Variants in HDAC7 observed in about 807,000 individuals in gnomAD.
The protein encoded by HDAC7 is histone deacetylase 7, also known as histone deacetylase 7A.
HDAC7 carries 26 observed loss-of-function variants against 115.5 expected under a neutral mutation model. That is an observed-to-expected ratio of 0.23 (90% confidence interval 0.16 to 0.31). HDAC7 has a LOEUF of 0.31. Among genes scored for constraint, HDAC7 ranks in the 10% least tolerant of loss-of-function variants. The pLI, the probability that HDAC7 is intolerant of heterozygous loss-of-function variation, is 1.00. For synonymous variants in HDAC7, 564 were observed against 550.9 expected, an observed-to-expected ratio of 1.02 and a Z score of -0.33; for missense variants, 1,068 against 1,329.0, an observed-to-expected ratio of 0.80 and a Z score of 3.05.
Position 47,795,169 on chromosome 12 carries a change from C to T in HDAC7, c.1284+15G>A. ...AAACACTCCCTCAATACCTCCACTG[C>T]CCAATTCCTCTCACCTTGATCACCT... On this transcript the variant is annotated intron_variant, in intron 11 of 25. Transcript: ENST00000080059. The surrounding 1 kb of genome is among the most constrained non-coding windows in gnomAD (Gnocchi z 4.3). The T allele has an allele frequency of 6.2e-7, 1 of 1,604,628 alleles. No individual in the cohort carries two copies.
At chr12:47,789,467 A>C in intron 18 of HDAC7, 56 bp downstream of exon 18, 3 of 1,597,426 alleles carry the variant, frequency 1.9e-6, no homozygotes, top group Non-Finnish European at 2.6e-6. Flanking sequence ...CCCTGAAGGA[A>C]GTTCCTGGGG....
intron 2 of HDAC7, among the ~76,000 whole-genome samples, chr12:47,801,813 T>A (rs1592675933): frequency 6.6e-6 from 1 of 152,164 alleles, no homozygotes; most frequent in East Asian, 1.9e-4. Context: ...ACACTTCCCC[T>A]CCAGCAGAGC....
At chr12:47,790,102 A>G in intron 16 of HDAC7, 182 bp from the exon 17 acceptor site, 1 of 598,550 alleles carries the variant, frequency 1.7e-6, no homozygotes, top group Non-Finnish European at 3.0e-6. Flanking sequence ...TCCCAGCATG[A>G]CTTTTTCCCA....
At chr12:47,800,636 A>G (rs1944117135) in intron 2 of HDAC7, among the ~76,000 whole-genome samples, 2 of 152,198 alleles carry the variant, frequency 1.3e-5, no homozygotes, top group African/African-American at 2.4e-5. Flanking sequence ...CTCCTGCCCC[A>G]GGAAAGGTTT....
chr12:47,790,293 G>A, intron 16 of HDAC7: 1 of 244,620 alleles, frequency 4.1e-6, no homozygotes, highest in South Asian at 5.3e-5. Flanking sequence ...GGAGCTGGAG[G>A]GGCCGTCTGC....
Position 47,798,681 on chromosome 12 carries a change from G to A in HDAC7, c.259-29C>T, listed in dbSNP as rs1944006665. 6.2e-7 allele frequency: 1 copy of A among 1,600,316 alleles called. No individual in the cohort carries two copies. Among genetic ancestry groups the A allele is most frequent in the Non-Finnish European group, 8.5e-7 (1 of 1,173,048 alleles). Reference sequence around the variant, plus strand: ...TGGGCAGGGCCGGCAGCCCAGAAAGGGACAAGGAGTTGAGGACTGAGACTG... The same window carrying A: ...TGGGCAGGGCCGGCAGCCCAGAAAGAGACAAGGAGTTGAGGACTGAGACTG... On this transcript the variant is annotated intron_variant, in intron 3 of 25. Transcript: ENST00000080059. This position sits in a 1 kb window ranked among gnomAD's most constrained non-coding sequence, Gnocchi z 4.3.
Position 47,798,899 on chromosome 12 carries a change from G to A in HDAC7, c.144C>T (p.Pro48=). ...TGGGCTCTGGTGGGGGCTCCACTGG[G>A]GGCCGCTGGCCCACCCGCAGGTCCA... ...QPMDLRVGQR[P]PVEPPPEPTL... The change falls in exon 3 of 26, where the codon CCC becomes CCT. Residue 48 remains proline, a synonymous_variant. Transcript: ENST00000080059. This position sits in a 1 kb window ranked among gnomAD's most constrained non-coding sequence, Gnocchi z 4.3. The A allele has an allele frequency of 7.8e-6, 12 of 1,537,022 alleles. No individual in the cohort carries two copies. The highest frequency in any genetic ancestry group is 9.6e-6 in the Non-Finnish European group (11 of 1,145,890).
At chr12:47,787,837 G>A (rs1387218741) in intron 20 of HDAC7, 28 bp from the exon 21 acceptor site, 5 of 1,590,650 alleles carry the variant, frequency 3.1e-6, no homozygotes, top group South Asian at 1.1e-5. Flanking sequence ...AGAGAGACAT[G>A]AGGACAGCAG....
In HDAC7 at chr12:47,793,650, C is replaced by A; in HGVS notation, c.1459-62G>T. The A allele has an allele frequency of 7.5e-7, 1 of 1,340,702 alleles. No individual in the cohort carries two copies. The highest frequency in any genetic ancestry group is 1.0e-6 in the Non-Finnish European group (1 of 994,664). The allele number at this position is 1,340,702 out of a possible 1,614,324, so 83.1% of individuals were successfully genotyped here. On this transcript the variant is annotated intron_variant, in intron 12 of 25. Transcript: ENST00000080059. The surrounding 1 kb of genome is among the most constrained non-coding windows in gnomAD (Gnocchi z 4.5). ...AGGGTCCTGCTCCCTCTACTTCTGC[C>A]TGAGGTCTTGGGAACTGCCAAGCAG...
At chr12:47,808,412 G>GGA (rs1343182340) in intron 1 of HDAC7, among the ~76,000 whole-genome samples, 1 of 152,104 alleles carries the variant, frequency 6.6e-6, no homozygotes, top group Non-Finnish European at 1.5e-5. Context: ...CCCTGGGGGT[G>GGA]GGAAAGCATC....
chr12:47,787,665 G>T, intron 21 of HDAC7, 47 bp downstream of exon 21: 1 of 1,371,968 alleles, frequency 7.3e-7, no homozygotes, highest in South Asian at 1.2e-5. Context: ...TTGGGAGAAG[G>T]GACAGGAGAG....
rs775699231 is a variant in HDAC7 at position 47,791,880 on chromosome 12, G to A, written c.1803C>T (p.Ser601=). 6.3e-6 allele frequency: 10 copies of A among 1,599,384 alleles called. No individual in the cohort carries two copies. In the African/African-American group the frequency reaches 1.4e-4, roughly 22 times the overall value. The part of the protein sequence containing the change: ...WSRLQERGLR[S]QCECLRGRKA... ...ACCCGCGCCTCCTCACCTCACACTG[G>A]CTCCGGAGCCCCCGCTCCTGCAGCC... is the stretch of plus-strand genomic sequence containing the variant. The change falls in exon 14 of 26, where the codon AGC becomes AGT. Residue 601 remains serine (S), a synonymous_variant. Transcript: ENST00000080059.
In HDAC7 at chr12:47,792,005, C is replaced by A; in HGVS notation, c.1679-1G>T. ...AGCATGACCGAGTCATAGATCAGCC[C>A]TGCAGGAGCAAGGGTCAGAGCGGGG... is the stretch of plus-strand genomic sequence containing the variant. On this transcript the variant is annotated splice_acceptor_variant, in intron 13 of 25. Transcript: ENST00000080059. LOFTEE classifies it high-confidence loss of function. 6.2e-7 allele frequency: 1 copy of A among 1,603,852 alleles called. No homozygotes were observed. The highest frequency in any genetic ancestry group is 8.5e-7 in the Non-Finnish European group (1 of 1,173,240).
At chr12:47,812,921 G>A (rs1944728224) in intron 1 of HDAC7, 1 of 152,234 alleles carries the variant, frequency 6.6e-6, no homozygotes, top group South Asian at 2.1e-4. Flanking sequence ...CTGGAAGGGA[G>A]AGTCACACCT....
chr12:47,784,751 G>T, intron 24 of HDAC7: 1 of 1,535,560 alleles, frequency 6.5e-7, no homozygotes, highest in Non-Finnish European at 8.7e-7. Flanking sequence ...CCTCCTGCCT[G>T]CTGCTGTGAG....
rs1463605746 is a variant in HDAC7 at position 47,788,011 on chromosome 12, G to T, written c.2355+34C>A. 4.4e-6 allele frequency: 7 copies of T among 1,598,156 alleles called. No homozygotes were observed. The African/African-American group carries it at 9.4e-5, about 21-fold the overall frequency. ...GAGTAAGTGTCAGGAGGAGGTCAATGAGGCTGGAAGATGTGGCCCTGACAT... is the reference window on the plus strand; with the variant it reads ...GAGTAAGTGTCAGGAGGAGGTCAATTAGGCTGGAAGATGTGGCCCTGACAT... On this transcript the variant is annotated intron_variant, in intron 20 of 25. Coordinates refer to ENST00000080059, the MANE Select transcript of HDAC7 (RefSeq NM_015401.5).
At position 47,803,534 on chromosome 12, in the gene HDAC7, C is replaced by A. The variant is rs533560827; in HGVS notation, c.20-1260G>T. 3.9e-5 allele frequency among the ~76,000 whole-genome samples: 6 copies of A among 152,272 alleles called. No homozygotes were observed. The South Asian group carries it at 1.2e-3, about 32-fold the overall frequency. On this transcript the variant is annotated intron_variant, in intron 1 of 25. Coordinates refer to ENST00000080059, the MANE Select transcript of HDAC7 (RefSeq NM_015401.5). This position sits in a 1 kb window ranked among gnomAD's most constrained non-coding sequence, Gnocchi z 4.0. ...CTGCTCTACCTATTTAAATTCTGCC[C>A]ATCCTCTGAGGTCCAGCCCAAGTCC...
rs773774036 is a variant in HDAC7, at chr12:47,798,617, C to T, written c.294G>A (p.Val98=). The T allele has an allele frequency of 5.6e-6, 9 of 1,613,878 alleles. No homozygotes were observed. Among genetic ancestry groups the T allele is most frequent in the Admixed American group, 5.0e-5 (3 of 60,000 alleles). ...SMDTPMPELQ[V]GPQEQELRQL... ...GCCGCAGCTCTTGTTCCTGGGGTCC[C>T]ACCTGCAACTCGGGCATCGGCGTGT... Residue 98 remains valine, a synonymous_variant, in exon 4 of 26, where the codon GTG becomes GTA. Coordinates refer to ENST00000080059, the MANE Select transcript of HDAC7 (RefSeq NM_015401.5). This position sits in a 1 kb window ranked among gnomAD's most constrained non-coding sequence, Gnocchi z 4.3.
intron 24 of HDAC7, chr12:47,784,862 AG>A (rs1191278804): frequency 8.3e-7 from 1 of 1,211,338 alleles, no homozygotes; most frequent in Non-Finnish European, 1.2e-6. Flanking sequence ...TCCCCTACCC[AG>A]CCCTTGATAT....
Sources: allele counts gnomAD v4.1 joint callset (sites outside exome capture counted in the v4.1 genomes callset), GRCh38; gene constraint gnomAD v4.1.1; non-coding constraint Gnocchi (gnomAD v3.1); transcripts MANE v1.5; gene names NCBI Gene and HGNC (gene_info 2026-07-23, HGNC 2026-07-21).